The following RBFOX1 variants were observed in gnomAD, a reference collection of about 807,000 sequenced individuals.
RBFOX1 encodes RNA binding fox-1 homolog 1, also known as RNA binding protein fox-1 homolog 1.
A neutral mutation model predicts 57.7 loss-of-function variants in RBFOX1; 8 were observed. The observed-to-expected ratio is 0.14, with a 90% confidence interval of 0.08 to 0.25. The LOEUF is 0.25. Ranked by LOEUF, RBFOX1 falls within the 10% of genes least tolerant of loss-of-function variation. The probability of loss-of-function intolerance (pLI) is 1.00; values close to 1 mark genes in which losing one functional copy is unlikely to be tolerated. For missense variants in RBFOX1, 611 were observed against 548.5 expected (o/e 1.11, Z -1.14); for synonymous variants, 326 against 222.4 (o/e 1.47, Z -4.15).
intron 4 of RBFOX1, among the ~76,000 whole-genome samples, chr16:7,161,940 A>C (rs1859030625): frequency 6.6e-6 from 1 of 152,356 alleles, no homozygotes; most frequent in Admixed American, 6.5e-5. Context: ...GGGGTTACCC[A>C]AGTTGAGCTT....
At chr16:5,433,028 C>G (rs985686001) in intron 1 of RBFOX1, among the ~76,000 whole-genome samples, 10 of 152,084 alleles carry the variant, frequency 6.6e-5, no homozygotes, top group African/African-American at 2.4e-4. Context: ...TCAGGTTATT[C>G]CAGGTTAAAT....
intron 1 of RBFOX1, among the ~76,000 whole-genome samples, chr16:5,309,538 G>A (rs1485641104): frequency 6.6e-6 from 1 of 152,064 alleles, no homozygotes; most frequent in Non-Finnish European, 1.5e-5. Flanking sequence ...AACTTAGGGG[G>A]TACAAGTGCC....
chr16:6,680,454 G>A (rs2058481445), intron 3 of RBFOX1, among the ~76,000 whole-genome samples: 1 of 151,752 alleles, frequency 6.6e-6, no homozygotes, highest in African/African-American at 2.4e-5. Flanking sequence ...TAGTAGAGAC[G>A]AGGTTTCACC....
Position 5,340,378 on chromosome 16 carries a change from G to A in RBFOX1, c.219+100273G>A, listed in dbSNP as rs948359379. Reference sequence around the variant, plus strand: ...ATGATACTGCTTTAAGTATAAAATTGTATCATTAGTTGAGGTCTTCTGGAA... The same window carrying A: ...ATGATACTGCTTTAAGTATAAAATTATATCATTAGTTGAGGTCTTCTGGAA... On this transcript the variant is annotated intron_variant, in intron 1 of 2. Transcript: ENST00000585867. Among the ~76,000 whole-genome samples, 6 of 152,184 alleles carry A rather than the reference G, an allele frequency of 3.9e-5. 1 individual carries two copies. Among genetic ancestry groups the A allele is most frequent in the Non-Finnish European group, 8.8e-5 (6 of 68,034 alleles).
intron 14 of RBFOX1, among the ~76,000 whole-genome samples, chr16:7,690,943 A>AT (rs1321388639): frequency 5.3e-5 from 8 of 152,114 alleles, no homozygotes; most frequent in Non-Finnish European, 8.8e-5. Context: ...AGCCAATCTG[A>AT]TTTTACAGAC....
intron 2 of RBFOX1, among the ~76,000 whole-genome samples, chr16:5,544,577 T>C (rs1324098495): frequency 2.0e-5 from 3 of 151,378 alleles, no homozygotes; most frequent in African/African-American, 4.9e-5. Context: ...AGAAAAACAA[T>C]AGAGAAAAAT....
At chr16:6,790,429 C>G (rs2082723253) in intron 3 of RBFOX1, among the ~76,000 whole-genome samples, 2 of 152,066 alleles carry the variant, frequency 1.3e-5, no homozygotes, top group African/African-American at 2.4e-5. Context: ...AGGTGATCTA[C>G]CCACCTCGGC....
chr16:7,174,837 C>A (rs1388997346), intron 4 of RBFOX1, among the ~76,000 whole-genome samples: 8 of 152,220 alleles, frequency 5.3e-5, no homozygotes, highest in Middle Eastern at 3.4e-3. Flanking sequence ...AAAGCGGTTG[C>A]GTTATTCAAT....
intron 2 of RBFOX1, among the ~76,000 whole-genome samples, chr16:5,516,829 C>G (rs2043810183): frequency 1.3e-5 from 2 of 152,134 alleles, no homozygotes; most frequent in African/African-American, 2.4e-5. Context: ...TCCTGCTGCC[C>G]TATGAAGAGG....
At chr16:6,945,617 T>G (rs1429408666) in intron 3 of RBFOX1, among the ~76,000 whole-genome samples, 1 of 152,080 alleles carries the variant, frequency 6.6e-6, no homozygotes, top group African/African-American at 2.4e-5. Flanking sequence ...CTGGCTAGGC[T>G]CGGTGGCTCA....
chr16:5,977,307 G>A (rs1490747834), intron 4 of RBFOX1, among the ~76,000 whole-genome samples: 1 of 152,074 alleles, frequency 6.6e-6, no homozygotes, highest in Non-Finnish European at 1.5e-5. Context: ...GAGAATGCTG[G>A]AGGCCTTCCT....
intron 1 of RBFOX1, among the ~76,000 whole-genome samples, chr16:6,118,024 A>G (rs896406211): frequency 6.6e-6 from 1 of 152,236 alleles, no homozygotes; most frequent in Non-Finnish European, 1.5e-5. Context: ...AAATTTTTTG[A>G]GATAATTTTG....
intron 1 of RBFOX1, among the ~76,000 whole-genome samples, chr16:5,256,664 G>A (rs1464124701): frequency 6.6e-6 from 1 of 152,184 alleles, no homozygotes; most frequent in South Asian, 2.1e-4. Flanking sequence ...GCTGGGCATG[G>A]TGGCTCATGC....
chr16:6,905,427 C>T (rs558061052), intron 3 of RBFOX1, among the ~76,000 whole-genome samples: 3 of 151,944 alleles, frequency 2.0e-5, no homozygotes, highest in Non-Finnish European at 2.9e-5. Context: ...GTGGCACACT[C>T]CTATAATCCC....
At chr16:6,898,880 TATA>T (rs1288399642) in intron 3 of RBFOX1, among the ~76,000 whole-genome samples, 1 of 133,150 alleles carries the variant, frequency 7.5e-6, no homozygotes, top group Non-Finnish European at 1.6e-5. Context: ...TGTACACGTG[TATA>T]ATACGTGTGT....
At chr16:6,363,118 G>C (rs1428655921) in intron 2 of RBFOX1, among the ~76,000 whole-genome samples, 1 of 152,142 alleles carries the variant, frequency 6.6e-6, no homozygotes, top group African/African-American at 2.4e-5. Flanking sequence ...GGAATCTAGA[G>C]TTGTCTCTGC....
chr16:7,205,708 A>G (rs1261611918), intron 4 of RBFOX1, among the ~76,000 whole-genome samples: 1 of 152,176 alleles, frequency 6.6e-6, no homozygotes, highest in East Asian at 1.9e-4. Flanking sequence ...CACCATCTGC[A>G]GTCTTTGGTG....
chr16:6,688,466 G>C (rs2059760663), intron 3 of RBFOX1, among the ~76,000 whole-genome samples: 2 of 152,052 alleles, frequency 1.3e-5, no homozygotes, highest in African/African-American at 4.8e-5. Flanking sequence ...AGACCCCTTG[G>C]CAACAGCAGT....
In RBFOX1 at chr16:6,475,744, A is replaced by C. The variant is rs116427815; in HGVS notation, c.-64+158687A>C. Among the ~76,000 whole-genome samples, 1,356 of 152,236 alleles carry C rather than the reference A, an allele frequency of 8.9e-3. 18 individuals are homozygous for C. The highest frequency in any genetic ancestry group is 0.031 in the African/African-American group (1,294 of 41,516). ...GGTTGCTATGTAATTTTATTTTTTT[A>C]GGTGGAGCTTGCTTTGTGCTTTTCT... On this transcript the variant is annotated intron_variant, in intron 2 of 15. Coordinates refer to ENST00000550418, the MANE Select transcript of RBFOX1 (RefSeq NM_018723.4).
Sources: allele counts gnomAD v4.1 joint callset (sites outside exome capture counted in the v4.1 genomes callset), GRCh38; gene constraint gnomAD v4.1.1; transcripts MANE v1.5; gene names NCBI Gene and HGNC (gene_info 2026-07-23, HGNC 2026-07-21).